Variants in RP1 observed in about 807,000 individuals in gnomAD.
RP1 encodes the protein RP1 axonemal microtubule associated.
RP1 carries 16 observed loss-of-function variants against 14.8 expected under a neutral mutation model. The ratio of observed to expected loss-of-function variants is 1.08; its 90% CI spans 0.73 to 1.65. RP1 has a LOEUF of 1.65. RP1 is among the 40% of genes most tolerant of loss of function. The pLI is 0.00. For synonymous variants in RP1, 876 were observed against 883.6 expected (o/e 0.99, Z 0.15); for missense variants, 2,631 against 2,535.0 (o/e 1.04, Z -0.81).
chr8:54,570,058 G>A (rs1586389137), intron 1 of RP1, among the ~76,000 whole-genome samples: 2 of 152,264 alleles, frequency 1.3e-5, no homozygotes, highest in East Asian at 1.9e-4. Flanking sequence ...CACGAGCCCT[G>A]TCCCCTTGAA....
At chr8:54,717,594 CT>C (rs1297906237) in intron 15 of RP1, among the ~76,000 whole-genome samples, 1 of 152,014 alleles carries the variant, frequency 6.6e-6, no homozygotes, top group Non-Finnish European at 1.5e-5. Context: ...TAGATGGGAA[CT>C]TTCTCAACTT....
At chr8:54,640,904 C>T (rs1806440684) in intron 3 of RP1, among the ~76,000 whole-genome samples, 2 of 151,874 alleles carry the variant, frequency 1.3e-5, no homozygotes, top group African/African-American at 4.8e-5. Flanking sequence ...AGTTTGATTT[C>T]CATGGTTTAA....
At chr8:54,828,842 A>ATCT (rs144122184) in intron 24 of RP1, among the ~76,000 whole-genome samples, 7 of 143,202 alleles carry the variant, frequency 4.9e-5, no homozygotes, top group Admixed American at 2.1e-4. Flanking sequence ...GTCCATTATA[A>ATCT]TCTTCTTCTT....
At chr8:54,713,954 A>T (rs1004111871) in intron 15 of RP1, among the ~76,000 whole-genome samples, 2 of 152,214 alleles carry the variant, frequency 1.3e-5, no homozygotes, top group Non-Finnish European at 2.9e-5. Flanking sequence ...TATGGCAGTG[A>T]AAGAAATTTG....
intron 1 of RP1, among the ~76,000 whole-genome samples, chr8:54,585,254 G>A (rs990961047): frequency 2.6e-5 from 4 of 152,102 alleles, no homozygotes. Context: ...CTTCACTTAC[G>A]AAGCTTAGTT....
At chr8:54,669,477 C>A (rs190599027) in intron 7 of RP1, among the ~76,000 whole-genome samples, 5 of 152,290 alleles carry the variant, frequency 3.3e-5, no homozygotes, top group Non-Finnish European at 7.3e-5. Flanking sequence ...GGCGATTCCT[C>A]AAGGATCTAG....
At position 54,621,369 on chromosome 8, in the gene RP1, G is replaced by C. The variant is rs755833719; in HGVS notation, c.403G>C (p.Ala135Pro). ...RPWLSSRAIS[A>P]HSPPHPVAVA... ...CTGGCTCAGCAGCCGGGCCATTAGC[G>C]CGCACTCACCGCCCCACCCCGTAGC... Residue 135 changes from alanine to proline, a missense_variant, in exon 2 of 4, where the codon GCG becomes CCG. Coordinates refer to ENST00000220676, the MANE Select transcript of RP1 (RefSeq NM_006269.2). The C allele has an allele frequency of 6.2e-7, 1 of 1,612,724 alleles. No individual in the cohort carries two copies.
In RP1 at chr8:54,652,867, G is replaced by GT. The variant is rs1336838218; in HGVS notation, c.1038+2dup. The GT allele has an allele frequency of 2.0e-6, 3 of 1,532,814 alleles. No homozygotes were observed. In the East Asian group the frequency reaches 7.3e-5, roughly 38 times the overall value. The allele number at this position is 1,532,814 out of a possible 1,614,324, so 95.0% of individuals were successfully genotyped here. ...CTCCCCTTCCTGGCACTGCAAGGAG[G>GT]TAAGGATATATCAACACTTTCCCAT... On this transcript the variant is annotated splice_donor_variant, in intron 5 of 22. Transcript: ENST00000636932. LOFTEE classifies it high-confidence loss of function.
chr8:54,685,317 C>G (rs1807538148), intron 12 of RP1, among the ~76,000 whole-genome samples: 1 of 152,110 alleles, frequency 6.6e-6, no homozygotes, highest in Non-Finnish European at 1.5e-5. Context: ...CCTCTTAATA[C>G]TGCTTTAGCT....
chr8:54,754,957 G>A (rs1182316434), intron 20 of RP1: 10 of 1,485,934 alleles, frequency 6.7e-6, no homozygotes, highest in East Asian at 2.6e-5. Context: ...ATCTTCAGTA[G>A]CATCTATTCC....
At chr8:54,760,721 T>A (rs147538100) in intron 22 of RP1, among the ~76,000 whole-genome samples, 10 of 152,264 alleles carry the variant, frequency 6.6e-5, no homozygotes, top group Admixed American at 2.0e-4. Flanking sequence ...CCTAAACAAG[T>A]TCTGTTCCAC....
At chr8:54,657,670 CT>C (rs1159000779) in intron 6 of RP1, among the ~76,000 whole-genome samples, 2 of 151,992 alleles carry the variant, frequency 1.3e-5, no homozygotes, top group Non-Finnish European at 2.9e-5. Context: ...GGATTAATGT[CT>C]TTTTTGCTAT....
At chr8:54,682,896 T>G (rs1807470236) in intron 12 of RP1, among the ~76,000 whole-genome samples, 1 of 152,198 alleles carries the variant, frequency 6.6e-6, no homozygotes, top group Admixed American at 6.5e-5. Flanking sequence ...TGAATAGTAT[T>G]GCCTAGATTT....
intron 26 of RP1, among the ~76,000 whole-genome samples, chr8:54,854,737 C>G (rs1448604170): frequency 2.0e-5 from 3 of 151,996 alleles, no homozygotes; most frequent in Admixed American, 2.0e-4. Flanking sequence ...TGGCGGCAGG[C>G]GCCTGTAGTC....
At chr8:54,785,941 TTAA>T (rs1228181904) in intron 24 of RP1, among the ~76,000 whole-genome samples, 1 of 152,112 alleles carries the variant, frequency 6.6e-6, no homozygotes, top group Non-Finnish European at 1.5e-5. Context: ...TGTCTTTTTA[TTAA>T]TGAGTTTAAG....
chr8:54,738,079 A>C (rs1808980665), intron 18 of RP1, among the ~76,000 whole-genome samples: 1 of 152,142 alleles, frequency 6.6e-6, no homozygotes, highest in African/African-American at 2.4e-5. Context: ...TAGTCTGTAT[A>C]TTTCTCCAAG....
intron 19 of RP1, among the ~76,000 whole-genome samples, chr8:54,741,050 G>A (rs570139953): frequency 1.3e-5 from 2 of 151,238 alleles, no homozygotes; most frequent in Non-Finnish European, 3.0e-5. Flanking sequence ...AAAAAAAAAA[G>A]CTTATGGAAT....
rs1554522269 is a variant in RP1 at position 54,661,306 on chromosome 8, G to GATATATATATGAGATAT, written c.1172-2383_1172-2382insGAGATATATATATATAT. ...TGATATATAAATGATATATATATGAGATATATATATATATATGAGAAAATT... is the reference window on the plus strand; with the variant it reads ...TGATATATAAATGATATATATATGAGATATATATATGAGATATATATATATATATATATGAGAAAATT... On this transcript the variant is annotated intron_variant, in intron 6 of 22. Transcript: ENST00000636932. 4.0e-3 allele frequency among the ~76,000 whole-genome samples: 316 copies of GATATATATATGAGATAT among 79,260 alleles called. 1 individual carries two copies. The highest frequency in any genetic ancestry group is 4.9e-3 in the Non-Finnish European group (220 of 44,850). The allele number at this position is 79,260 out of a possible 152,430, so 52.0% of individuals were successfully genotyped here.
intron 24 of RP1, among the ~76,000 whole-genome samples, chr8:54,830,303 T>G (rs1483622998): frequency 5.9e-5 from 9 of 152,230 alleles, no homozygotes; most frequent in African/African-American, 2.2e-4. Context: ...TTTTTATACT[T>G]TAAGTTCTGG....
Sources: allele counts gnomAD v4.1 joint callset (sites outside exome capture counted in the v4.1 genomes callset), GRCh38; gene constraint gnomAD v4.1.1; transcripts MANE v1.5; gene names NCBI Gene and HGNC (gene_info 2026-07-23, HGNC 2026-07-21).